PRCP: variants seen among roughly 807,000 people sequenced by gnomAD.
The protein encoded by PRCP is lysosomal Pro-X carboxypeptidase.
In PRCP, 46 loss-of-function variants were observed where a neutral mutation model predicts 54.2. The observed-to-expected ratio is 0.85, with a 90% CI of 0.67 to 1.09. The LOEUF is 1.09. PRCP is among the 50% of genes least tolerant of loss of function. The pLI, the probability that PRCP is intolerant of heterozygous loss-of-function variation, is 0.00. For synonymous variants in PRCP, 240 were observed against 212.2 expected, an observed-to-expected ratio of 1.13 and a Z score of -1.14; for missense variants, 613 against 596.8, an observed-to-expected ratio of 1.03 and a Z score of -0.28.
intron 1 of PRCP, among the ~76,000 whole-genome samples, chr11:82,875,562 C>G (rs1311065964): frequency 6.6e-6 from 1 of 152,246 alleles, no homozygotes; most frequent in Admixed American, 6.5e-5. Context: ...AAGGCTCTTT[C>G]ATCGTTCCAC....
At chr11:82,838,923 C>T (rs1858593925) in intron 7 of PRCP, among the ~76,000 whole-genome samples, 1 of 152,272 alleles carries the variant, frequency 6.6e-6, no homozygotes, top group South Asian at 2.1e-4. Context: ...TTTTATATGT[C>T]TATAAAATGC....
chr11:82,850,049 TA>T lies in PRCP; in HGVS notation c.615del (p.Ile206SerfsTer7). 1 of 1,436,934 alleles carries T rather than the reference TA, an allele frequency of 7.0e-7. No individual in the cohort carries two copies. Among genetic ancestry groups the T allele is most frequent in the Non-Finnish European group, 9.2e-7 (1 of 1,089,528 alleles). The allele number at this position is 1,436,934 out of a possible 1,614,324, so 89.0% of individuals were successfully genotyped here. The part of the protein sequence containing the change: ...MVVGALAASA[P>X]IWQFEDLVPC... ...GGTACTAAATCCTCAAACTGCCAGATAGGGGCAGAAGCTGCAAGAGCTCTAA... is the reference window on the plus strand; with the variant it reads ...GGTACTAAATCCTCAAACTGCCAGATGGGGCAGAAGCTGCAAGAGCTCTAA... On this transcript the variant is annotated frameshift_variant, in exon 5 of 9. Coordinates refer to ENST00000313010, the MANE Select transcript of PRCP (RefSeq NM_005040.4). LOFTEE classifies it high-confidence loss of function.
rs933492783 is a variant in PRCP, at chr11:82,849,244, A to C, written c.752-26T>G. 3 of 1,611,120 alleles carry C rather than the reference A, an allele frequency of 1.9e-6. No homozygotes were observed. In the African/African-American group the frequency reaches 4.0e-5, roughly 22 times the overall value. On this transcript the variant is annotated intron_variant, in intron 5 of 8. Coordinates refer to ENST00000313010, the MANE Select transcript of PRCP (RefSeq NM_005040.4). ...CTGGGAATAGAATCACACTGTTGGA[A>C]TCTAAAAAGTACTGGTCAACAGATG... is the stretch of plus-strand genomic sequence containing the variant.
At chr11:82,897,365 T>C (rs1220130725) in intron 1 of PRCP, among the ~76,000 whole-genome samples, 5 of 152,252 alleles carry the variant, frequency 3.3e-5, no homozygotes, top group South Asian at 2.1e-4. Context: ...TGAATAATCA[T>C]GCATTCACTC....
chr11:82,884,874 A>G (rs376057085), intron 1 of PRCP: 134 of 1,613,668 alleles, frequency 8.3e-5, no homozygotes, highest in Non-Finnish European at 1.1e-4. Flanking sequence ...GCAACTGCCC[A>G]GCAGCAAGGG....
chr11:82,888,251 T>G (rs1391260358), intron 1 of PRCP, among the ~76,000 whole-genome samples: 4 of 152,188 alleles, frequency 2.6e-5, no homozygotes, highest in Non-Finnish European at 4.4e-5. Context: ...ACAAATCTGT[T>G]TCTCCTAACC....
intron 3 of PRCP, among the ~76,000 whole-genome samples, chr11:82,851,005 T>C (rs527920551): frequency 1.3e-5 from 2 of 151,972 alleles, no homozygotes; most frequent in South Asian, 2.1e-4. Context: ...TTTAAACAAT[T>C]ATAAAATTGG....
chr11:82,864,395 G>T (rs1028083643), intron 1 of PRCP, among the ~76,000 whole-genome samples: 2 of 152,204 alleles, frequency 1.3e-5, no homozygotes, highest in East Asian at 3.9e-4. Flanking sequence ...CTCTGCTGTT[G>T]AGAAGTGGGA....
At chr11:82,831,624 C>T (rs1023369207) in intron 8 of PRCP, among the ~76,000 whole-genome samples, 1 of 152,118 alleles carries the variant, frequency 6.6e-6, no homozygotes, top group Non-Finnish European at 1.5e-5. Flanking sequence ...ACTTCCCAAC[C>T]GGAAAAGCAA....
chr11:82,856,911 C>CT (rs768698970), intron 2 of PRCP, among the ~76,000 whole-genome samples: 38 of 151,888 alleles, frequency 2.5e-4, no homozygotes, highest in South Asian at 4.2e-4. Flanking sequence ...TGGCAGGCGC[C>CT]TGTAGTCCCA....
Position 82,900,390 on chromosome 11 carries a change from C to A in PRCP, c.13G>T (p.Ala5Ser). 5.6e-6 allele frequency: 9 copies of A among 1,613,628 alleles called. No individual in the cohort carries two copies. Among genetic ancestry groups the A allele is most frequent in the Non-Finnish European group, 7.6e-6 (9 of 1,179,864 alleles). The change falls in exon 1 of 9, where the codon GCC becomes TCC. Residue 5 changes from alanine (A) to serine (S), a missense_variant. By Grantham distance (99) the Ala-to-Ser change is moderately conservative. Coordinates refer to ENST00000313010, the MANE Select transcript of PRCP (RefSeq NM_005040.4). The part of the protein sequence containing the change: MGRR[A>S]LLLLLLSFLA... ...AAAGACAGAAGCAGGAGCAGGAGGGCTCGGCGGCCCATGGCTCAGGCTGGA... is the reference window on the plus strand; with the variant it reads ...AAAGACAGAAGCAGGAGCAGGAGGGATCGGCGGCCCATGGCTCAGGCTGGA...
chr11:82,893,821 C>G (rs1475062120), intron 1 of PRCP, among the ~76,000 whole-genome samples: 2 of 152,122 alleles, frequency 1.3e-5, no homozygotes, highest in African/African-American at 4.8e-5. Flanking sequence ...GGATAGTTCT[C>G]TTGCCTACAA....
intron 5 of PRCP, 31 bp downstream of exon 5, chr11:82,849,883 A>G (rs372850907): frequency 7.3e-7 from 1 of 1,377,024 alleles, no homozygotes; most frequent in Non-Finnish European, 9.5e-7. Flanking sequence ...TTAAAAAAAC[A>G]CACAATTCCA....
In PRCP at chr11:82,824,632, C is replaced by A; in HGVS notation, c.*274G>T. On this transcript the variant is annotated 3_prime_UTR_variant, in exon 9 of 9. Transcript: ENST00000313010. ...TAACTCTCCCTCTTATGAAAAGCAA[C>A]CAGGAACTCTACTCCAGTTATGAGG... 1 of 409,300 alleles carries A rather than the reference C, an allele frequency of 2.4e-6. No individual in the cohort carries two copies. Among genetic ancestry groups the A allele is most frequent in the African/African-American group, 2.0e-5 (1 of 49,416 alleles). 25.4% of individuals were successfully genotyped at this position (409,300 alleles called of 1,614,324 possible). A position where few individuals can be genotyped will look rare whatever the true frequency, so the allele number is the denominator to read the frequency against.
intron 1 of PRCP, among the ~76,000 whole-genome samples, chr11:82,888,990 A>G (rs1859934119): frequency 6.6e-6 from 1 of 152,184 alleles, no homozygotes; most frequent in African/African-American, 2.4e-5. Context: ...ATTATATATA[A>G]CACAAGGCTA....
At chr11:82,869,964 C>G (rs1325878826) in intron 1 of PRCP, among the ~76,000 whole-genome samples, 1 of 152,226 alleles carries the variant, frequency 6.6e-6, no homozygotes, top group Non-Finnish European at 1.5e-5. Flanking sequence ...GGTGAAGAAA[C>G]AGTTCTATAT....
chr11:82,856,641 T>C (rs1452578270), intron 2 of PRCP, among the ~76,000 whole-genome samples: 2 of 151,554 alleles, frequency 1.3e-5, no homozygotes, highest in African/African-American at 4.9e-5. Context: ...ACACACAATT[T>C]ACCCAAGTTA....
At chr11:82,857,825 G>A (rs1859125845) in intron 2 of PRCP, among the ~76,000 whole-genome samples, 1 of 152,120 alleles carries the variant, frequency 6.6e-6, no homozygotes, top group East Asian at 1.9e-4. Context: ...CTCATTCCCT[G>A]CCATTTATCT....
At chr11:82,864,272 T>C (rs1018859572) in intron 1 of PRCP, among the ~76,000 whole-genome samples, 1 of 152,218 alleles carries the variant, frequency 6.6e-6, no homozygotes, top group Non-Finnish European at 1.5e-5. Flanking sequence ...TTGCACAACA[T>C]GAATTTACAG....
Sources: allele counts gnomAD v4.1 joint callset (sites outside exome capture counted in the v4.1 genomes callset), GRCh38; gene constraint gnomAD v4.1.1; transcripts MANE v1.5; gene names NCBI Gene and HGNC (gene_info 2026-07-23, HGNC 2026-07-21).